LDLRAD3: variants seen among roughly 807,000 people sequenced by gnomAD.
LDLRAD3 encodes low density lipoprotein receptor class A domain containing 3.
A neutral mutation model predicts 29.4 loss-of-function variants in LDLRAD3; 20 were observed. That is an observed-to-expected ratio of 0.68 (90% CI 0.48 to 0.99). The LOEUF (loss-of-function observed/expected upper bound fraction) is 0.99, where lower values mean the gene tolerates loss of function less well. LDLRAD3 is among the 50% of genes least tolerant of loss of function. LDLRAD3 has a pLI of 0.00. For missense variants in LDLRAD3, 420 were observed against 454.3 expected (o/e 0.92, Z 0.69); for synonymous variants, 157 against 192.7 (o/e 0.81, Z 1.53).
chr11:36,053,116 G>A (rs780230147), intron 2 of LDLRAD3, among the ~76,000 whole-genome samples: 2 of 152,120 alleles, frequency 1.3e-5, no homozygotes, highest in Non-Finnish European at 2.9e-5. Context: ...CGAAAACAAA[G>A]CAGCTATAAG....
intron 1 of LDLRAD3, among the ~76,000 whole-genome samples, chr11:35,992,084 G>A (rs532286057): frequency 3.9e-5 from 6 of 152,224 alleles, no homozygotes; most frequent in Non-Finnish European, 8.8e-5. Context: ...GCATGGAAGT[G>A]CCCCCGTCTC....
chr11:36,215,881 T>C (rs993337424), intron 4 of LDLRAD3, among the ~76,000 whole-genome samples: 3 of 152,188 alleles, frequency 2.0e-5, no homozygotes, highest in Non-Finnish European at 4.4e-5. Flanking sequence ...GTAGCACCGA[T>C]GAACTGATTA....
At chr11:36,014,495 G>A (rs750063406) in intron 1 of LDLRAD3, among the ~76,000 whole-genome samples, 9 of 152,208 alleles carry the variant, frequency 5.9e-5, no homozygotes, top group Non-Finnish European at 1.2e-4. Flanking sequence ...GTAACGCCTG[G>A]AGTGCTCTTA....
In LDLRAD3 at chr11:35,944,112, G is replaced by A. The variant is rs1851022673; in HGVS notation, c.14G>A (p.Gly5Glu). Residue 5 changes from glycine (G) to glutamate (E), a missense_variant, in exon 1 of 6, where the codon GGG (glycine) becomes GAG (glutamate). This residue lies in a region of LDLRAD3 where 224 missense variants were observed against 222.2 expected (regional missense o/e 1.01). Coordinates refer to ENST00000315571, the MANE Select transcript of LDLRAD3 (RefSeq NM_174902.4). The surrounding 1 kb of genome is among the most constrained non-coding windows in gnomAD (Gnocchi z 4.9). MWLL[G>E]PLCLLLSSAA... ...GGCGGCCGCGCCATGTGGCTGCTGG[G>A]GCCGCTGTGCCTGCTGCTGAGCAGC... 13 of 1,068,550 alleles carry A rather than the reference G, an allele frequency of 1.2e-5. No homozygotes were observed. The highest frequency in any genetic ancestry group is 1.5e-5 in the Non-Finnish European group (13 of 884,580). The allele number at this position is 1,068,550 out of a possible 1,614,324, so 66.2% of individuals were successfully genotyped here.
At chr11:36,006,860 T>C (rs1851891605) in intron 1 of LDLRAD3, among the ~76,000 whole-genome samples, 1 of 152,256 alleles carries the variant, frequency 6.6e-6, no homozygotes, top group Non-Finnish European at 1.5e-5. Context: ...GCATCTGCCT[T>C]GCTCCAGATG....
At chr11:35,964,287 T>C (rs576324105) in intron 1 of LDLRAD3, among the ~76,000 whole-genome samples, 1 of 152,268 alleles carries the variant, frequency 6.6e-6, no homozygotes, top group African/African-American at 2.4e-5. Flanking sequence ...AAGATCCCTA[T>C]GAGGTCAAGA....
At chr11:36,112,945 G>C (rs1299406706) in intron 4 of LDLRAD3, among the ~76,000 whole-genome samples, 4 of 152,180 alleles carry the variant, frequency 2.6e-5, no homozygotes, top group Non-Finnish European at 5.9e-5. Flanking sequence ...GATTTGAGTG[G>C]ATTGCAAGCT....
At chr11:36,176,203 A>G (rs1854673497) in intron 4 of LDLRAD3, among the ~76,000 whole-genome samples, 1 of 152,066 alleles carries the variant, frequency 6.6e-6, no homozygotes, top group Admixed American at 6.6e-5. Flanking sequence ...GTGTTAGGTG[A>G]GTCTCTTGAA....
intron 4 of LDLRAD3, among the ~76,000 whole-genome samples, chr11:36,102,403 A>C (rs925702629): frequency 2.6e-5 from 4 of 152,196 alleles, no homozygotes; most frequent in African/African-American, 9.7e-5. Context: ...CCAAGACCAG[A>C]AAGAGAGTGC....
chr11:36,178,718 GTTT>G (rs1214285129), intron 4 of LDLRAD3, among the ~76,000 whole-genome samples: 1 of 152,196 alleles, frequency 6.6e-6, no homozygotes, highest in Non-Finnish European at 1.5e-5. Flanking sequence ...TGCTAAAGTT[GTTT>G]CCATCCTTCA....
At chr11:36,080,047 T>C (rs763349658) in intron 2 of LDLRAD3, among the ~76,000 whole-genome samples, 3 of 152,332 alleles carry the variant, frequency 2.0e-5, no homozygotes, top group Non-Finnish European at 4.4e-5. Context: ...ATTTCAGGCC[T>C]TAAAACCCTG....
intron 1 of LDLRAD3, among the ~76,000 whole-genome samples, chr11:36,027,177 G>A (rs1285991945): frequency 1.3e-5 from 2 of 152,140 alleles, no homozygotes; most frequent in African/African-American, 4.8e-5. Context: ...AGAATGTCAG[G>A]CTTCAAATTT....
At chr11:35,960,890 G>A (rs1282701736) in intron 1 of LDLRAD3, among the ~76,000 whole-genome samples, 1 of 152,196 alleles carries the variant, frequency 6.6e-6, no homozygotes, top group East Asian at 1.9e-4. Flanking sequence ...CACCGTGCCC[G>A]GCCTGCTTTG....
At chr11:36,033,754 C>A (rs1359471640) in intron 1 of LDLRAD3, among the ~76,000 whole-genome samples, 2 of 152,104 alleles carry the variant, frequency 1.3e-5, no homozygotes, top group African/African-American at 4.8e-5. Flanking sequence ...CTTCTAGGGT[C>A]CCCCTCAAGC....
At position 36,121,602 on chromosome 11, in the gene LDLRAD3, T is replaced by C. The variant is rs189514686; in HGVS notation, c.454+23141T>C. Among the ~76,000 whole-genome samples the C allele has an allele frequency of 2.0e-3, 309 of 152,308 alleles. 1 individual carries two copies. Among genetic ancestry groups the C allele is most frequent in the Non-Finnish European group, 3.9e-3 (262 of 68,028 alleles). On this transcript the variant is annotated intron_variant, in intron 4 of 5. Transcript: ENST00000315571. The stretch of plus-strand genomic sequence containing the variant: ...ATGGTTCGGGAAAATAATTGCTGGT[T>C]GTGGAATTCTGGAGAAGTAGTATCG...
At chr11:36,221,705 C>G (rs1855431586) in intron 4 of LDLRAD3, among the ~76,000 whole-genome samples, 1 of 152,112 alleles carries the variant, frequency 6.6e-6, no homozygotes, top group South Asian at 2.1e-4. Flanking sequence ...AGACAGAGTG[C>G]TTATTTTTTT....
chr11:36,222,375 A>G (rs1356237228), intron 4 of LDLRAD3, among the ~76,000 whole-genome samples: 1 of 152,104 alleles, frequency 6.6e-6, no homozygotes, highest in Non-Finnish European at 1.5e-5. Flanking sequence ...ATGAGTCACC[A>G]TGCCTGGCCA....
chr11:36,151,472 C>T (rs1305361803), intron 4 of LDLRAD3, among the ~76,000 whole-genome samples: 2 of 152,162 alleles, frequency 1.3e-5, no homozygotes, highest in Non-Finnish European at 2.9e-5. Flanking sequence ...AAGAAGGAAA[C>T]TAAGGCTACA....
At chr11:35,962,830 G>A (rs2133137156) in intron 1 of LDLRAD3, among the ~76,000 whole-genome samples, 1 of 152,288 alleles carries the variant, frequency 6.6e-6, no homozygotes, top group South Asian at 2.1e-4. Flanking sequence ...ACTCAACGTG[G>A]GTGGGGAACG....
Sources: gnomAD v4.1 joint callset for allele counts (sites outside exome capture counted in the v4.1 genomes callset) on GRCh38, gnomAD v4.1.1 for gene constraint, gnomAD v4.1.1 regional missense constraint, Gnocchi (gnomAD v3.1) non-coding constraint, MANE v1.5 for transcripts, NCBI Gene and HGNC (gene_info 2026-07-23, HGNC 2026-07-21) for gene names.